ROBO2: variants seen among roughly 807,000 people sequenced by gnomAD.
ROBO2 encodes roundabout guidance receptor 2, also known as roundabout homolog 2.
A neutral mutation model predicts 160.8 loss-of-function variants in ROBO2; 53 were observed. The ratio of observed to expected loss-of-function variants is 0.33; its 90% CI spans 0.26 to 0.41. The LOEUF (loss-of-function observed/expected upper bound fraction) is 0.41. Ranked by LOEUF, ROBO2 falls within the 10% of genes least tolerant of loss-of-function variation. The pLI, the probability that ROBO2 is intolerant of heterozygous loss-of-function variation, is 1.00. For synonymous variants in ROBO2, 664 were observed against 611.7 expected, an observed-to-expected ratio of 1.09 and a Z score of -1.26; for missense variants, 1,577 against 1,722.4, an observed-to-expected ratio of 0.92 and a Z score of 1.49.
At chr3:77,057,522 G>T (rs1172215756) in intron 1 of ROBO2, among the ~76,000 whole-genome samples, 2 of 148,634 alleles carry the variant, frequency 1.3e-5, no homozygotes, top group Non-Finnish European at 3.0e-5. Context: ...TTGCATTTTT[G>T]TGAGTTAATT....
rs192165248 is a variant in ROBO2 at position 76,114,827 on chromosome 3, C to T, written c.109+177225C>T. On this transcript the variant is annotated intron_variant, in intron 2 of 26. Coordinates refer to the ROBO2 transcript ENST00000487694. Reference sequence around the variant, plus strand: ...AAACACTGATCATTTGTTGGTGCTACTGCAGATACTGAAGTATCACTTTTA... The same window carrying T: ...AAACACTGATCATTTGTTGGTGCTATTGCAGATACTGAAGTATCACTTTTA... Among the ~76,000 whole-genome samples the T allele has an allele frequency of 8.1e-4, 123 of 152,260 alleles. 1 individual carries two copies. Among genetic ancestry groups the T allele is most frequent in the Non-Finnish European group, 1.5e-3 (103 of 68,008 alleles).
At chr3:76,278,426 A>G (rs1708054535) in intron 2 of ROBO2, among the ~76,000 whole-genome samples, 1 of 151,986 alleles carries the variant, frequency 6.6e-6, no homozygotes. Flanking sequence ...TAGCACTTAT[A>G]TTTGTATAAA....
chr3:77,312,700 CTT>C lies in ROBO2; in HGVS notation c.389-164712_389-164711del, dbSNP rs528516102. Among the ~76,000 whole-genome samples, 800 of 152,242 alleles carry C rather than the reference CTT, an allele frequency of 5.3e-3. 6 individuals carry two copies. The highest frequency in any genetic ancestry group is 0.017 in the African/African-American group (709 of 41,526). ...TTTAATGACTACATATTTTCTTAAA[CTT>C]TAACTGTCTTGAGTGAAGGGTACAC... On this transcript the variant is annotated intron_variant, in intron 2 of 25. Transcript: ENST00000461745.
intron 4 of ROBO2, among the ~76,000 whole-genome samples, chr3:77,481,653 A>G (rs370130504): frequency 6.6e-6 from 1 of 152,174 alleles, no homozygotes; most frequent in African/African-American, 2.4e-5. Flanking sequence ...TGAAGTATTT[A>G]TAATTTCAAC....
chr3:76,152,419 A>G lies in ROBO2; in HGVS notation c.109+214817A>G, dbSNP rs186045168. ...GATGGAGTATATAGAACACAACATT[A>G]AATGGAATATTTGATATGAACTAGT... On this transcript the variant is annotated intron_variant, in intron 2 of 26. Transcript: ENST00000487694. Among the ~76,000 whole-genome samples the G allele has an allele frequency of 3.0e-3, 460 of 152,294 alleles. 3 individuals carry two copies. Among genetic ancestry groups the G allele is most frequent in the Non-Finnish European group, 5.7e-3 (385 of 68,022 alleles).
intron 2 of ROBO2, among the ~76,000 whole-genome samples, chr3:76,894,080 T>C (rs1023218278): frequency 5.9e-5 from 9 of 152,156 alleles, no homozygotes; most frequent in African/African-American, 2.2e-4. Flanking sequence ...TACACCCTTT[T>C]GAAGTCTTGG....
At chr3:75,910,285 T>TGACA (rs1946515463) in intron 1 of ROBO2, among the ~76,000 whole-genome samples, 1 of 152,224 alleles carries the variant, frequency 6.6e-6, no homozygotes, top group African/African-American at 2.4e-5. Flanking sequence ...GGTAGCTTGG[T>TGACA]GACAACTCTT....
intron 2 of ROBO2, among the ~76,000 whole-genome samples, chr3:77,418,591 A>G (rs557765831): frequency 1.3e-5 from 2 of 152,124 alleles, no homozygotes; most frequent in East Asian, 1.9e-4. Flanking sequence ...AAGAGCCACA[A>G]AGAAAAGTAT....
At chr3:77,187,871 CT>C (rs1310634019) in intron 2 of ROBO2, among the ~76,000 whole-genome samples, 1 of 151,738 alleles carries the variant, frequency 6.6e-6, no homozygotes, top group Non-Finnish European at 1.5e-5. Context: ...AATGACTTTG[CT>C]TTTTTACTTT....
chr3:77,013,958 G>T (rs2062069332), intron 2 of ROBO2, among the ~76,000 whole-genome samples: 1 of 152,124 alleles, frequency 6.6e-6, no homozygotes, highest in South Asian at 2.1e-4. Context: ...TTTTCAGGCT[G>T]AATTTTAGAT....
chr3:77,647,910 C>T (rs1165650295), exon 26 of ROBO2: 2 of 152,104 alleles, frequency 1.3e-5, no homozygotes, highest in African/African-American at 4.8e-5. Context: ...TTAAACATTT[C>T]CATCCTTTCT....
chr3:76,759,061 T>G (rs535357367), intron 2 of ROBO2, among the ~76,000 whole-genome samples: 1 of 151,944 alleles, frequency 6.6e-6, no homozygotes, highest in East Asian at 2.0e-4. Context: ...CTAAACATAT[T>G]GCAGCTTGAA....
At chr3:77,047,765 T>C (rs1578506509) in intron 1 of ROBO2, among the ~76,000 whole-genome samples, 1 of 140,526 alleles carries the variant, frequency 7.1e-6, no homozygotes, top group Non-Finnish European at 1.6e-5. Flanking sequence ...ATATATGGGC[T>C]GGGCGCGGTG....
At chr3:77,428,869 C>CA (rs2078487949) in intron 2 of ROBO2, among the ~76,000 whole-genome samples, 2 of 151,898 alleles carry the variant, frequency 1.3e-5, no homozygotes, top group Non-Finnish European at 2.9e-5. Context: ...TTAACTTTTT[C>CA]AAAATAACAG....
rs2093380131 is a variant in ROBO2 at position 77,563,164 on chromosome 3, T to C, written c.1520-3T>C. 6.2e-7 allele frequency: 1 copy of C among 1,613,002 alleles called. No individual in the cohort carries two copies. Among genetic ancestry groups the C allele is most frequent in the Non-Finnish European group, 8.5e-7 (1 of 1,179,662 alleles). Reference sequence around the variant, plus strand: ...TGAAGTTTTTTCTGTCTGTCCTCTATAGAGTCTGGAGCAACAATCAGTAAA... The same window carrying C: ...TGAAGTTTTTTCTGTCTGTCCTCTACAGAGTCTGGAGCAACAATCAGTAAA... On this transcript the variant is annotated splice_polypyrimidine_tract_variant and splice_region_variant and intron_variant, in intron 10 of 25. Transcript: ENST00000461745.
intron 2 of ROBO2, among the ~76,000 whole-genome samples, chr3:76,455,149 A>G (rs922142030): frequency 6.6e-6 from 1 of 152,112 alleles, no homozygotes; most frequent in Non-Finnish European, 1.5e-5. Context: ...AGGATATTTC[A>G]TGTCATTTTT....
At chr3:77,331,772 G>A (rs963719604) in intron 2 of ROBO2, among the ~76,000 whole-genome samples, 10 of 152,028 alleles carry the variant, frequency 6.6e-5, no homozygotes, top group African/African-American at 2.2e-4. Flanking sequence ...GGCGCGATAT[G>A]TCGGCTCACT....
At chr3:76,132,402 G>GC (rs141601900) in intron 2 of ROBO2, among the ~76,000 whole-genome samples, 2 of 62,650 alleles carry the variant, frequency 3.2e-5, no homozygotes, top group South Asian at 1.0e-3. Context: ...GTTGGGGGGG[G>GC]GGGGGGACGC....
At chr3:77,100,843 T>C (rs1422069302) in intron 2 of ROBO2, among the ~76,000 whole-genome samples, 1 of 152,188 alleles carries the variant, frequency 6.6e-6, no homozygotes, top group African/African-American at 2.4e-5. Context: ...ATAGGTAAGC[T>C]TAAGAAATGA....
Sources: gnomAD v4.1 joint callset for allele counts (sites outside exome capture counted in the v4.1 genomes callset) on GRCh38, gnomAD v4.1.1 for gene constraint, MANE v1.5 for transcripts, NCBI Gene and HGNC (gene_info 2026-07-23, HGNC 2026-07-21) for gene names.